PCDHGB2: variants seen among roughly 807,000 people sequenced by gnomAD.
The protein encoded by PCDHGB2 is protocadherin gamma subfamily B, 2.
PCDHGB2 carries 55 observed loss-of-function variants against 59.3 expected under a neutral mutation model. The observed-to-expected ratio is 0.93, with a 90% CI of 0.75 to 1.16. The LOEUF (loss-of-function observed/expected upper bound fraction) is 1.16. PCDHGB2 is among the 50% of genes most tolerant of loss of function. The probability of loss-of-function intolerance (pLI) is 0.00; values close to 1 mark genes in which losing one functional copy is unlikely to be tolerated. For missense variants in PCDHGB2, 1,228 were observed against 1,198.5 expected (o/e 1.02, Z -0.36); for synonymous variants, 516 against 512.0 (o/e 1.01, Z -0.11).
In PCDHGB2 at chr5:141,385,336, C is replaced by T. The variant is rs866774654; in HGVS notation, c.2421+22780C>T. 2.5e-6 allele frequency: 4 copies of T among 1,579,494 alleles called. No homozygotes were observed. In the African/African-American group the frequency reaches 5.4e-5, roughly 22 times the overall value. ...GCCAAGTATTCAGGTGAGCCCAGCC[C>T]TTCCTTTATTTCCATGAGGAATTTA... On this transcript the variant is annotated intron_variant, in intron 1 of 3. Coordinates refer to ENST00000522605, the MANE Select transcript of PCDHGB2 (RefSeq NM_018923.3).
chr5:141,495,735 T>C (rs1595351919), intron 2 of PCDHGB2, among the ~76,000 whole-genome samples: 1 of 152,044 alleles, frequency 6.6e-6, no homozygotes, highest in Admixed American at 6.5e-5. Context: ...CCTTAGTCTC[T>C]TTCTCCTTCT....
rs2096260633 is a variant in PCDHGB2 at position 141,418,459 on chromosome 5, G to C, written c.2421+55903G>C. 2.5e-6 allele frequency: 4 copies of C among 1,613,992 alleles called. No homozygotes were observed. In the East Asian group the frequency reaches 6.7e-5, roughly 27 times the overall value. ...CAGAATTAGTATTGCAGAAGACTCT[G>C]GACCGAGAAACGCAGAGCGCTCACC... On this transcript the variant is annotated intron_variant, in intron 1 of 3. Transcript: ENST00000522605.
rs751805838 is a variant in PCDHGB2, at chr5:141,409,319, G to T, written c.2421+46763G>T. 3 of 1,613,988 alleles carry T rather than the reference G, an allele frequency of 1.9e-6. No homozygotes were observed. The Admixed American group carries it at 5.0e-5, about 27-fold the overall frequency. ...GGTTGTTGCCCTCTTCAAAACACGG[G>T]ATCTGGATTTCGGAGGAAATGGAGA... is the stretch of plus-strand genomic sequence containing the variant. On this transcript the variant is annotated intron_variant, in intron 1 of 3. Coordinates refer to ENST00000522605, the MANE Select transcript of PCDHGB2 (RefSeq NM_018923.3).
intron 1 of PCDHGB2, chr5:141,388,884 G>A: frequency 1.9e-6 from 3 of 1,614,002 alleles, no homozygotes; most frequent in Non-Finnish European, 2.5e-6. Flanking sequence ...AGTGGAGGTA[G>A]AAGTCATAGA....
At position 141,431,667 on chromosome 5, in the gene PCDHGB2, C is replaced by T. The variant is rs759257105; in HGVS notation, c.2422-63140C>T. ...GATTGTAATTCAGGGACAATATCAA[C>T]AATAGGGGAGTTGGACCACGAGGAG... On this transcript the variant is annotated intron_variant, in intron 1 of 3. Coordinates refer to ENST00000522605, the MANE Select transcript of PCDHGB2 (RefSeq NM_018923.3). This position sits in a 1 kb window ranked among gnomAD's most constrained non-coding sequence, Gnocchi z 4.8. 1 of 1,614,226 alleles carries T rather than the reference C, an allele frequency of 6.2e-7. No individual in the cohort carries two copies. The highest frequency in any genetic ancestry group is 1.3e-5 in the African/African-American group (1 of 75,072).
chr5:141,491,709 C>T lies in PCDHGB2; in HGVS notation c.2422-3098C>T, dbSNP rs2099725685. On this transcript the variant is annotated intron_variant, in intron 1 of 3. Coordinates refer to ENST00000522605, the MANE Select transcript of PCDHGB2 (RefSeq NM_018923.3). The surrounding 1 kb of genome is among the most constrained non-coding windows in gnomAD (Gnocchi z 6.9). The stretch of plus-strand genomic sequence containing the variant: ...TGCGGGAGCGGAGCCAGGTGAGGGG[C>T]TCGGCGCCGCCCCGGGCGACCCCTG... 6.2e-7 allele frequency: 1 copy of T among 1,610,156 alleles called. No homozygotes were observed. Among genetic ancestry groups the T allele is most frequent in the Non-Finnish European group, 8.5e-7 (1 of 1,178,376 alleles).
chr5:141,443,478 C>T (rs2098390426), intron 1 of PCDHGB2, among the ~76,000 whole-genome samples: 1 of 152,052 alleles, frequency 6.6e-6, no homozygotes, highest in East Asian at 1.9e-4. Context: ...AGAATTAGAC[C>T]CTGTCCCAAA....
intron 1 of PCDHGB2, among the ~76,000 whole-genome samples, chr5:141,456,023 G>A (rs937523861): frequency 1.3e-5 from 2 of 151,586 alleles, no homozygotes; most frequent in South Asian, 2.1e-4. Context: ...TCAGCCTCCC[G>A]AGTAGCTGGG....
Position 141,431,478 on chromosome 5 carries a change from C to T in PCDHGB2, c.2422-63329C>T, listed in dbSNP as rs1163422580. On this transcript the variant is annotated intron_variant, in intron 1 of 3. Coordinates refer to ENST00000522605, the MANE Select transcript of PCDHGB2 (RefSeq NM_018923.3). The surrounding 1 kb of genome is among the most constrained non-coding windows in gnomAD (Gnocchi z 4.8). ...GTTCTGGATGCGAACGACAACGCAC[C>T]AGCGTTTGCTCAGCCCGAGTACCGC... The T allele has an allele frequency of 6.2e-7, 1 of 1,613,748 alleles. No individual in the cohort carries two copies. The highest frequency in any genetic ancestry group is 8.5e-7 in the Non-Finnish European group (1 of 1,179,976).
intron 3 of PCDHGB2, among the ~76,000 whole-genome samples, chr5:141,508,837 A>C (rs1596180024): frequency 6.7e-6 from 1 of 149,276 alleles, no homozygotes; most frequent in Non-Finnish European, 1.5e-5. Context: ...CCCCTCCCCT[A>C]CCCCTTCCAT....
At chr5:141,383,042 T>A (rs1397489820) in intron 1 of PCDHGB2, 10 of 1,613,724 alleles carry the variant, frequency 6.2e-6, no homozygotes, top group Non-Finnish European at 7.6e-6. Flanking sequence ...GTGGGAGACA[T>A]CGCCAAGGAC....
intron 1 of PCDHGB2, among the ~76,000 whole-genome samples, chr5:141,469,031 C>T (rs963001535): frequency 1.3e-5 from 2 of 152,070 alleles, no homozygotes; most frequent in Admixed American, 6.6e-5. Flanking sequence ...AATCCCAGCA[C>T]TTTGGGAGGC....
chr5:141,366,534 T>C (rs1383417034), intron 1 of PCDHGB2: 2 of 1,614,264 alleles, frequency 1.2e-6, no homozygotes, highest in Non-Finnish European at 1.7e-6. Context: ...TTGGCGGGTG[T>C]GCCCGCCTCG....
At chr5:141,389,861 C>T in intron 1 of PCDHGB2, 1 of 1,614,062 alleles carries the variant, frequency 6.2e-7, no homozygotes, top group South Asian at 1.1e-5. Context: ...CCACGTTGCA[C>T]CTGGTCTTCG....
chr5:141,378,889 T>C (rs185717248), intron 1 of PCDHGB2: 2 of 152,352 alleles, frequency 1.3e-5, no homozygotes, highest in Admixed American at 6.5e-5. Flanking sequence ...ACTAAGGAGA[T>C]AGGAGATTCT....
At chr5:141,388,104 T>C in intron 1 of PCDHGB2, 1 of 1,386,112 alleles carries the variant, frequency 7.2e-7, no homozygotes, top group Non-Finnish European at 1.0e-6. Context: ...GGAGAAGCCT[T>C]ACTTCACCGT....
intron 1 of PCDHGB2, chr5:141,399,517 G>A: frequency 1.9e-6 from 3 of 1,613,998 alleles, no homozygotes; most frequent in Non-Finnish European, 2.5e-6. Flanking sequence ...CAACCCTCCT[G>A]GGGCCTCCAT....
intron 1 of PCDHGB2, chr5:141,365,258 G>A: frequency 6.2e-7 from 1 of 1,613,996 alleles, no homozygotes; most frequent in Non-Finnish European, 8.5e-7. Flanking sequence ...ACTGGACTAT[G>A]AAGAATCCAG....
chr5:141,370,642 A>G (rs944377529), intron 1 of PCDHGB2: 1 of 1,613,836 alleles, frequency 6.2e-7, no homozygotes, highest in Non-Finnish European at 8.5e-7. Context: ...GAAAATGGGA[A>G]CTTACTTGTG....
Sources: gnomAD v4.1 joint callset for allele counts (sites outside exome capture counted in the v4.1 genomes callset) on GRCh38, gnomAD v4.1.1 for gene constraint, Gnocchi (gnomAD v3.1) non-coding constraint, MANE v1.5 for transcripts, NCBI Gene and HGNC (gene_info 2026-07-23, HGNC 2026-07-21) for gene names.